PRKCZ: variants seen among roughly 807,000 people sequenced by gnomAD.
PRKCZ encodes the protein protein kinase C zeta type.
In PRKCZ, 33 loss-of-function variants were observed where a neutral mutation model predicts 79.5. The observed-to-expected ratio is 0.41, with a 90% CI of 0.31 to 0.55. The LOEUF (loss-of-function observed/expected upper bound fraction) is 0.55, where lower values mean the gene tolerates loss of function less well. PRKCZ is among the 20% of genes least tolerant of loss of function. PRKCZ has a pLI of 0.19. For synonymous variants in PRKCZ, 342 were observed against 320.9 expected (o/e 1.07, Z -0.70); for missense variants, 578 against 813.5 (o/e 0.71, Z 3.52).
At chr1:2,170,110 C>G (rs1684131180) in intron 11 of PRKCZ, among the ~76,000 whole-genome samples, 1 of 152,114 alleles carries the variant, frequency 6.6e-6, no homozygotes, top group Admixed American at 6.5e-5. Flanking sequence ...GCTCTTCACC[C>G]TGTTAGTGGC....
chr1:2,063,158 C>A (rs1358675119), intron 4 of PRKCZ, among the ~76,000 whole-genome samples: 1 of 152,034 alleles, frequency 6.6e-6, no homozygotes, highest in African/African-American at 2.4e-5. Flanking sequence ...TTTTGTTTAC[C>A]CATTTCTGTC....
intron 4 of PRKCZ, among the ~76,000 whole-genome samples, chr1:2,108,458 C>T (rs550188024): frequency 4.6e-5 from 7 of 152,338 alleles, no homozygotes; most frequent in Admixed American, 1.3e-4. Flanking sequence ...GTGGCGGCTC[C>T]GAGGCGCCAC....
At chr1:2,052,344 T>C (rs1557465248) in intron 1 of PRKCZ, among the ~76,000 whole-genome samples, 1 of 152,096 alleles carries the variant, frequency 6.6e-6, no homozygotes, top group Non-Finnish European at 1.5e-5. Context: ...CCGGTGACTC[T>C]GGTTTCCCAG....
chr1:2,115,416 G>A (rs1309538784), intron 4 of PRKCZ, among the ~76,000 whole-genome samples: 1 of 152,244 alleles, frequency 6.6e-6, no homozygotes, highest in Non-Finnish European at 1.5e-5. Flanking sequence ...TCGCGTGGCC[G>A]CACCAGGTCG....
intron 5 of PRKCZ, among the ~76,000 whole-genome samples, chr1:2,139,570 C>T (rs2103067517): frequency 6.6e-6 from 1 of 152,254 alleles, no homozygotes; most frequent in Non-Finnish European, 1.5e-5. Context: ...GCCTGGGCGA[C>T]AGAGCAGGAC....
At chr1:2,096,468 G>A (rs547075979) in intron 4 of PRKCZ, among the ~76,000 whole-genome samples, 1 of 152,104 alleles carries the variant, frequency 6.6e-6, no homozygotes, top group Non-Finnish European at 1.5e-5. Context: ...GAACGCGGTT[G>A]TACGGACTTC....
At position 2,099,913 on chromosome 1, in the gene PRKCZ, G is replaced by A. The variant is rs143815459; in HGVS notation, c.335-35349G>A. ...GTGAAAGTGAGAAACTGATGCCTCTGTGGGAAAAGACCAGACTCCAGGGTC... is the reference window on the plus strand; with the variant it reads ...GTGAAAGTGAGAAACTGATGCCTCTATGGGAAAAGACCAGACTCCAGGGTC... On this transcript the variant is annotated intron_variant, in intron 4 of 17. Transcript: ENST00000378567. Among the ~76,000 whole-genome samples the A allele has an allele frequency of 6.6e-5, 10 of 152,340 alleles. No individual in the cohort carries two copies. In the East Asian group the frequency reaches 1.9e-3, roughly 29 times the overall value.
intron 5 of PRKCZ, among the ~76,000 whole-genome samples, chr1:2,138,125 T>C (rs1476333571): frequency 1.3e-5 from 2 of 152,200 alleles, no homozygotes; most frequent in East Asian, 1.9e-4. Flanking sequence ...ACCTCTGCTG[T>C]CACTTAAAAG....
chr1:2,176,057 T>C (rs1307519529), intron 16 of PRKCZ, among the ~76,000 whole-genome samples: 1 of 151,944 alleles, frequency 6.6e-6, no homozygotes, highest in African/African-American at 2.4e-5. Flanking sequence ...GGAGAGTGAG[T>C]CTGTGGACAG....
chr1:2,127,355 C>A lies in PRKCZ; in HGVS notation c.335-7907C>A, dbSNP rs1175825841. On this transcript the variant is annotated intron_variant, in intron 4 of 17. Coordinates refer to ENST00000378567, the MANE Select transcript of PRKCZ (RefSeq NM_002744.6). The surrounding 1 kb of genome is among the most constrained non-coding windows in gnomAD (Gnocchi z 5.1). ...GAAGTTTGAGTTGCAGGCTTGCGAT[C>A]CGGGCAGGTCCCTCAGATGGAGGGG... Among the ~76,000 whole-genome samples, 3 of 152,200 alleles carry A rather than the reference C, an allele frequency of 2.0e-5. No homozygotes were observed. Among genetic ancestry groups the A allele is most frequent in the African/African-American group, 7.2e-5 (3 of 41,442 alleles).
At chr1:2,179,054 C>T (rs968828130) in intron 16 of PRKCZ, among the ~76,000 whole-genome samples, 5 of 152,238 alleles carry the variant, frequency 3.3e-5, no homozygotes, top group Non-Finnish European at 7.3e-5. Flanking sequence ...AGCCTGGCCT[C>T]TGCACACTGC....
chr1:2,164,260 C>T (rs262647), intron 10 of PRKCZ, among the ~76,000 whole-genome samples: 36,155 of 152,132 alleles, frequency 0.24, 4,895 homozygotes, highest in Admixed American at 0.33. Flanking sequence ...CTTGGGGGTA[C>T]ACAACCTGCT....
chr1:2,051,323 C>T (rs1286097547), intron 1 of PRKCZ, among the ~76,000 whole-genome samples: 3 of 152,186 alleles, frequency 2.0e-5, no homozygotes, highest in Non-Finnish European at 4.4e-5. Flanking sequence ...CGGAGGGGTC[C>T]TGGACTCTTG....
In PRKCZ at chr1:2,050,428, C is replaced by A. The variant is rs537180486; in HGVS notation, c.-203C>A. Reference sequence around the variant, plus strand: ...TCCGCCATGTTCGGACACCGCCCCCCGCCCCCGCCGGACGGTCCCGCCCCG... The same window carrying A: ...TCCGCCATGTTCGGACACCGCCCCCAGCCCCCGCCGGACGGTCCCGCCCCG... On this transcript the variant is annotated 5_prime_UTR_variant, in exon 1 of 18. Coordinates refer to ENST00000378567, the MANE Select transcript of PRKCZ (RefSeq NM_002744.6). 1.1e-5 allele frequency: 2 copies of A among 189,514 alleles called. No individual in the cohort carries two copies. Among genetic ancestry groups the A allele is most frequent in the African/African-American group, 4.7e-5 (2 of 42,198 alleles). 11.7% of individuals were successfully genotyped at this position (189,514 alleles called of 1,614,324 possible). A position where few individuals can be genotyped will look rare whatever the true frequency, so the allele number is the denominator to read the frequency against.
chr1:2,178,873 G>C lies in PRKCZ; in HGVS notation c.1575+3560G>C, dbSNP rs1357623627. ...CAGGAATGGATGGTGAAAGGACACAGTGCCCGCCCCCCGAGTGTCCGAGGG... is the reference window on the plus strand; with the variant it reads ...CAGGAATGGATGGTGAAAGGACACACTGCCCGCCCCCCGAGTGTCCGAGGG... On this transcript the variant is annotated intron_variant, in intron 16 of 17. Transcript: ENST00000378567. The surrounding 1 kb of genome is among the most constrained non-coding windows in gnomAD (Gnocchi z 4.3). Among the ~76,000 whole-genome samples, 2 of 152,172 alleles carry C rather than the reference G, an allele frequency of 1.3e-5. No individual in the cohort carries two copies. The highest frequency in any genetic ancestry group is 4.8e-5 in the African/African-American group (2 of 41,438).
chr1:2,126,035 G>A (rs952339235), intron 4 of PRKCZ, among the ~76,000 whole-genome samples: 1 of 152,084 alleles, frequency 6.6e-6, no homozygotes, highest in Non-Finnish European at 1.5e-5. Flanking sequence ...GCTGTCGCCC[G>A]ATCGCTCTAT....
At position 2,144,272 on chromosome 1, in the gene PRKCZ, C is replaced by T. The variant is rs771953438; in HGVS notation, c.483C>T (p.Cys161=). The change falls in exon 6 of 18, where the codon TGC becomes TGT. Residue 161 remains cysteine, a synonymous_variant. Coordinates refer to ENST00000378567, the MANE Select transcript of PRKCZ (RefSeq NM_002744.6). The stretch of plus-strand genomic sequence containing the variant: ...GCCTCGCGAGGCAAGGCTACAGGTG[C>T]ATCAACTGCAAACTGCTGGTCCATA... The part of the protein sequence containing the change: ...IWGLARQGYR[C]INCKLLVHKR... 16 of 1,562,284 alleles carry T rather than the reference C, an allele frequency of 1.0e-5. No individual in the cohort carries two copies. In the South Asian group the frequency reaches 1.9e-4, roughly 18 times the overall value.
rs3052 is a variant in PRKCZ, at chr1:2,165,199, C to T, written c.975-4319C>T. 0.094 allele frequency among the ~76,000 whole-genome samples: 14,348 copies of T among 152,266 alleles called. 729 individuals carry two copies. Among genetic ancestry groups the T allele is most frequent in the Middle Eastern group, 0.12 (35 of 294 alleles). ...ACCGCCTTTCCTCATCTGCTGGTGT[C>T]TTCCTCAGAGCTTTAATGTCCGTCC... On this transcript the variant is annotated intron_variant, in intron 10 of 17. Transcript: ENST00000378567. This position sits in a 1 kb window ranked among gnomAD's most constrained non-coding sequence, Gnocchi z 4.1.
Position 2,056,547 on chromosome 1 carries a change from G to A in PRKCZ, c.257G>A (p.Cys86Tyr), listed in dbSNP as rs966006143. 1 of 1,613,928 alleles carries A rather than the reference G, an allele frequency of 6.2e-7. No individual in the cohort carries two copies. Among genetic ancestry groups the A allele is most frequent in the Non-Finnish European group, 8.5e-7 (1 of 1,179,928 alleles). ...GAGGCTTTCCGCCTGGCCCGTCAGT[G>A]CAGGGATGAAGGCCTCATCATTCAT... is the stretch of plus-strand genomic sequence containing the variant. The part of the protein sequence containing the change: ...LEEAFRLARQ[C>Y]RDEGLIIHVF... Residue 86 changes from cysteine (C) to tyrosine (Y), a missense_variant, in exon 3 of 18, where the codon TGC becomes TAC. Coordinates refer to ENST00000378567, the MANE Select transcript of PRKCZ (RefSeq NM_002744.6).
Sources: gnomAD v4.1 joint callset for allele counts (sites outside exome capture counted in the v4.1 genomes callset) on GRCh38, gnomAD v4.1.1 for gene constraint, Gnocchi (gnomAD v3.1) non-coding constraint, MANE v1.5 for transcripts, NCBI Gene and HGNC (gene_info 2026-07-23, HGNC 2026-07-21) for gene names.